Variants in TTC4 observed in about 807,000 individuals in gnomAD.
The protein encoded by TTC4 is tetratricopeptide repeat domain 4.
A neutral mutation model predicts 51.9 loss-of-function variants in TTC4; 36 were observed. The observed-to-expected ratio is 0.69, with a 90% confidence interval of 0.53 to 0.92. TTC4 has a LOEUF of 0.92. Among genes scored for constraint, TTC4 ranks in the 40% least tolerant of loss-of-function variants. The probability of loss-of-function intolerance (pLI) is 0.00; values close to 1 mark genes in which losing one functional copy is unlikely to be tolerated. For missense variants in TTC4, 399 were observed against 454.6 expected (o/e 0.88, Z 1.11); for synonymous variants, 144 against 164.2 (o/e 0.88, Z 0.94).
intron 8 of TTC4, among the ~76,000 whole-genome samples, chr1:54,734,281 A>G (rs1291833913): frequency 2.6e-5 from 4 of 152,206 alleles, no homozygotes; most frequent in African/African-American, 9.7e-5. Flanking sequence ...CATGTTGGCC[A>G]GGCTGGTCTC....
At chr1:54,736,474 A>G (rs7532968) in intron 8 of TTC4, among the ~76,000 whole-genome samples, 18,159 of 151,862 alleles carry the variant, frequency 0.12, 1,837 homozygotes, top group African/African-American at 0.27. Flanking sequence ...GGGCTCAAAC[A>G]ATCCTCCCAC....
intron 4 of TTC4, 140 bp from the exon 5 acceptor site, chr1:54,722,535 G>T: frequency 8.5e-7 from 1 of 1,177,384 alleles, no homozygotes; most frequent in South Asian, 1.6e-5. Flanking sequence ...CTTGTCTGGG[G>T]ACTGCAGTAT....
Position 54,736,104 on chromosome 1 carries a change from G to T in TTC4, c.979-1478G>T, listed in dbSNP as rs562873367. Among the ~76,000 whole-genome samples the T allele has an allele frequency of 7.3e-5, 11 of 151,558 alleles. No individual in the cohort carries two copies. The East Asian group carries it at 2.1e-3, about 29-fold the overall frequency. On this transcript the variant is annotated intron_variant, in intron 8 of 9. Transcript: ENST00000371281. ...TATCGATTAATACAATGGGGGTAGA[G>T]AGGCAAGCTTACTGCCTCAATGCCT...
At chr1:54,734,300 G>T (rs990942856) in intron 8 of TTC4, among the ~76,000 whole-genome samples, 7 of 152,148 alleles carry the variant, frequency 4.6e-5, no homozygotes, top group Admixed American at 3.9e-4. Context: ...TCGAACTCCT[G>T]ACCTCAAGTG....
chr1:54,716,570 T>C, intron 1 of TTC4, 30 bp from the exon 2 acceptor site: 1 of 1,549,296 alleles, frequency 6.5e-7, no homozygotes, highest in Admixed American at 1.8e-5. Context: ...GAAAAGCTTA[T>C]TCATGTAGTT....
At chr1:54,718,939 G>A (rs2101295413) in intron 3 of TTC4, among the ~76,000 whole-genome samples, 1 of 152,194 alleles carries the variant, frequency 6.6e-6, no homozygotes, top group South Asian at 2.1e-4. Context: ...ATGTTTCTAG[G>A]ACATTTTCCT....
At chr1:54,716,556 A>C in intron 1 of TTC4, 44 bp from the exon 2 acceptor site, 1 of 1,483,454 alleles carries the variant, frequency 6.7e-7, no homozygotes. Context: ...GGATCTGCTC[A>C]GTAGAAAAGC....
At chr1:54,734,548 G>A (rs1016485299) in intron 8 of TTC4, among the ~76,000 whole-genome samples, 1 of 151,042 alleles carries the variant, frequency 6.6e-6, no homozygotes, top group Admixed American at 6.6e-5. Flanking sequence ...CACCAAGCCT[G>A]GCTAATTTTG....
chr1:54,727,688 C>CAAAAAAAAAAAAAAA (rs200521894), intron 5 of TTC4, among the ~76,000 whole-genome samples: 1 of 43,602 alleles, frequency 2.3e-5, no homozygotes, highest in African/African-American at 5.7e-5. Flanking sequence ...CTCATCTCTA[C>CAAAAAAAAAAAAAAA]AAAAAAAAAA....
At chr1:54,718,161 G>T (rs955872096) in intron 3 of TTC4, among the ~76,000 whole-genome samples, 1 of 152,012 alleles carries the variant, frequency 6.6e-6, no homozygotes, top group African/African-American at 2.4e-5. Flanking sequence ...CAGGAGGATC[G>T]CCTGAGGCCA....
At chr1:54,721,310 C>A in intron 4 of TTC4, 70 bp downstream of exon 4, 1 of 1,503,132 alleles carries the variant, frequency 6.7e-7, no homozygotes, top group South Asian at 1.2e-5. Context: ...CTAATAAAGT[C>A]ATCTTATTTT....
At chr1:54,722,902 C>G in intron 5 of TTC4, 103 bp downstream of exon 5, 1 of 1,472,986 alleles carries the variant, frequency 6.8e-7, no homozygotes, top group Non-Finnish European at 9.1e-7. Flanking sequence ...AAAACAAAAC[C>G]CAAAACTAGT....
At position 54,731,495 on chromosome 1, in the gene TTC4, A is replaced by G; in HGVS notation, c.691A>G (p.Ile231Val). 6.2e-7 allele frequency: 1 copy of G among 1,613,968 alleles called. No homozygotes were observed. Among genetic ancestry groups the G allele is most frequent in the East Asian group, 2.2e-5 (1 of 44,884 alleles). ...TCTGTCTTTAACCCAGGCTAGGAAT[A>G]TCAGGCTCTCAGAAGCTGCCTGTGA... ...ALLQAIKARN[I>V]RLSEAACEDE... is the part of the protein sequence containing the mutation. Residue 231 changes from isoleucine to valine, a missense_variant, in exon 7 of 10, where the codon ATC (isoleucine) becomes GTC (valine). By Grantham distance (29) the Ile-to-Val change is conservative (BLOSUM62 3). Transcript: ENST00000371281.
chr1:54,726,952 C>G (rs868785336), intron 5 of TTC4, among the ~76,000 whole-genome samples: 2 of 151,104 alleles, frequency 1.3e-5, no homozygotes, highest in Middle Eastern at 3.2e-3. Flanking sequence ...TCAGTGCAAT[C>G]TGTATCAAAA....
chr1:54,736,496 A>G (rs1645946614), intron 8 of TTC4, among the ~76,000 whole-genome samples: 1 of 151,900 alleles, frequency 6.6e-6, no homozygotes, highest in African/African-American at 2.4e-5. Flanking sequence ...TCAGTCTCCC[A>G]AGTAGCTGGG....
At chr1:54,728,731 T>C (rs1043451475) in intron 6 of TTC4, among the ~76,000 whole-genome samples, 2 of 152,210 alleles carry the variant, frequency 1.3e-5, no homozygotes, top group African/African-American at 4.8e-5. Context: ...CCAAACCTGA[T>C]TGCCATCAGT....
At chr1:54,730,021 G>A (rs116563057) in intron 6 of TTC4, among the ~76,000 whole-genome samples, 7,952 of 152,122 alleles carry the variant, frequency 0.052, 524 homozygotes, top group African/African-American at 0.14. Flanking sequence ...GTGCCCAACC[G>A]GGGTAGGTTT....
intron 9 of TTC4, among the ~76,000 whole-genome samples, chr1:54,740,509 C>T (rs545245628): frequency 7.2e-5 from 11 of 152,280 alleles, no homozygotes; most frequent in African/African-American, 7.2e-5. Flanking sequence ...CTGAGTTCTG[C>T]CCTACCCCAG....
At chr1:54,727,688 CAAAAAAAA>C (rs200521894) in intron 5 of TTC4, among the ~76,000 whole-genome samples, 63 of 43,618 alleles carry the variant, frequency 1.4e-3, no homozygotes, top group African/African-American at 3.2e-3. Context: ...CTCATCTCTA[CAAAAAAAA>C]AAAAAAAAAA....
Sources: allele counts gnomAD v4.1 joint callset (sites outside exome capture counted in the v4.1 genomes callset), GRCh38; gene constraint gnomAD v4.1.1; transcripts MANE v1.5; gene names NCBI Gene and HGNC (gene_info 2026-07-23, HGNC 2026-07-21).